Variants in PLTP observed in about 807,000 individuals in gnomAD.
The protein encoded by PLTP is phospholipid transfer protein.
PLTP carries 43 observed loss-of-function variants against 54.1 expected under a neutral mutation model. The observed-to-expected ratio is 0.79, with a 90% CI of 0.62 to 1.02. PLTP has a LOEUF of 1.02. Among genes scored for constraint, PLTP ranks in the 50% least tolerant of loss-of-function variants. The probability of loss-of-function intolerance (pLI) is 0.00; values close to 1 mark genes in which losing one functional copy is unlikely to be tolerated. For missense variants in PLTP, 604 were observed against 645.9 expected, an observed-to-expected ratio of 0.94 and a Z score of 0.70; for synonymous variants, 263 against 264.6, an observed-to-expected ratio of 0.99 and a Z score of 0.06.
At chr20:45,899,204 G>T in intron 15 of PLTP, 141 bp from the exon 16 acceptor site, 1 of 1,280,926 alleles carries the variant, frequency 7.8e-7, no homozygotes, top group Non-Finnish European at 1.1e-6. Flanking sequence ...GAGGCTGTAG[G>T]AGTGTAGACT....
At chr20:45,899,807 G>GGGCCCGGGC in intron 13 of PLTP, 29 bp downstream of exon 13, 6 of 1,369,456 alleles carry the variant, frequency 4.4e-6, no homozygotes, top group Non-Finnish European at 6.1e-6. Flanking sequence ...CACGAACCCA[G>GGGCCCGGGC]CCCAGCCCAC....
chr20:45,899,753 T>C lies in PLTP; in HGVS notation c.1219-68A>G, dbSNP rs866711127. The C allele has an allele frequency of 3.7e-5, 60 of 1,606,622 alleles. No individual in the cohort carries two copies. The Middle Eastern group carries it at 2.6e-3, about 71-fold the overall frequency. On this transcript the variant is annotated intron_variant, in intron 13 of 15. Coordinates refer to ENST00000372431, the MANE Select transcript of PLTP (RefSeq NM_006227.4). ...GGGTTTGCCTTTAGCTGCCCGCAGG[T>C]GAGCAGTTATATGAGGAGGGGGGGA...
intron 12 of PLTP, 50 bp downstream of exon 12, chr20:45,902,217 G>C: frequency 1.9e-6 from 3 of 1,561,328 alleles, no homozygotes; most frequent in Non-Finnish European, 2.6e-6. Flanking sequence ...CCTGTGGACA[G>C]GTGTGATTGT....
Position 45,909,540 on chromosome 20 carries a change from T to C in PLTP, c.461A>G (p.His154Arg), listed in dbSNP as rs2083270467. Residue 154 changes from histidine (H) to arginine (R), a missense_variant, in exon 5 of 16, where the codon CAC becomes CGC. Coordinates refer to ENST00000372431, the MANE Select transcript of PLTP (RefSeq NM_006227.4). Reference protein sequence around the residue: ...VSCQASVSRMHAAFGGTFKKV... With the variant: ...VSCQASVSRMRAAFGGTFKKV... Reference sequence around the variant, plus strand: ...CTTGAAGGTTCCCCCGAAGGCCGCGTGCATTCTGGAGACAGAGGCCTGGCA... The same window carrying C: ...CTTGAAGGTTCCCCCGAAGGCCGCGCGCATTCTGGAGACAGAGGCCTGGCA... 6.2e-7 allele frequency: 1 copy of C among 1,614,158 alleles called. No individual in the cohort carries two copies. Among genetic ancestry groups the C allele is most frequent in the East Asian group, 2.2e-5 (1 of 44,880 alleles).
At chr20:45,899,401 A>G in intron 15 of PLTP, 61 bp downstream of exon 15, 1 of 1,544,746 alleles carries the variant, frequency 6.5e-7, no homozygotes, top group East Asian at 2.2e-5. Context: ...AATGGAGGGC[A>G]CTGGGGAGCT....
rs750551533 is a variant in PLTP, at chr20:45,902,591, A to G, written c.956T>C (p.Ile319Thr). The change falls in exon 11 of 16, where the codon ATT becomes ACT. Residue 319 changes from isoleucine (I) to threonine (T), a missense_variant. By Grantham distance (89) the Ile-to-Thr change is moderately conservative. Coordinates refer to ENST00000372431, the MANE Select transcript of PLTP (RefSeq NM_006227.4). ...GSIVLLSPAV[I>T]DSPLKLELRV... ...CAGCTCCAGCTTCAATGGGGAGTCA[A>G]TCACTGCTGGGCTCTGGGGGATGAG... The G allele has an allele frequency of 1.6e-5, 25 of 1,610,856 alleles. 1 individual carries two copies. In the South Asian group the frequency reaches 2.3e-4, roughly 15 times the overall value.
At chr20:45,910,222 G>A (rs2083277653) in intron 3 of PLTP, 152 bp from the exon 4 acceptor site, 1 of 836,446 alleles carries the variant, frequency 1.2e-6, no homozygotes, top group Non-Finnish European at 1.9e-6. Context: ...GCCCAACTTA[G>A]ACTTGGGTGG....
intron 10 of PLTP, among the ~76,000 whole-genome samples, chr20:45,904,037 T>C (rs577555837): frequency 6.6e-6 from 1 of 152,166 alleles, no homozygotes; most frequent in South Asian, 2.1e-4. Flanking sequence ...GAGGCACAGA[T>C]AGGTTAAGTA....
In PLTP at chr20:45,911,141, C is replaced by A; in HGVS notation, c.200+11G>T. On this transcript the variant is annotated intron_variant, in intron 3 of 15. Transcript: ENST00000372431. ...CCCGCCCCGGATCGCGAGGCCCCGCCCCCCACTTACTCAGAGATGTTGTAG... is the reference window on the plus strand; with the variant it reads ...CCCGCCCCGGATCGCGAGGCCCCGCACCCCACTTACTCAGAGATGTTGTAG... 6.2e-7 allele frequency: 1 copy of A among 1,613,114 alleles called. No individual in the cohort carries two copies. The highest frequency in any genetic ancestry group is 8.5e-7 in the Non-Finnish European group (1 of 1,179,108).
chr20:45,899,750 A>G, intron 13 of PLTP, 65 bp from the exon 14 acceptor site: 2 of 1,607,436 alleles, frequency 1.2e-6, no homozygotes, highest in Non-Finnish European at 1.7e-6. Context: ...AGCTGCCCGC[A>G]GGTGAGCAGT....
In PLTP at chr20:45,910,931, T is replaced by C. The variant is rs1313048207; in HGVS notation, c.200+221A>G. ...TGGTCCTGCTTCCTTCTTGGCCCCCTCTACATTTTCAAGGCCACGCCCATC... is the reference window on the plus strand; with the variant it reads ...TGGTCCTGCTTCCTTCTTGGCCCCCCCTACATTTTCAAGGCCACGCCCATC... On this transcript the variant is annotated intron_variant, in intron 3 of 15. Transcript: ENST00000372431. 3.5e-6 allele frequency: 5 copies of C among 1,430,066 alleles called. No homozygotes were observed. In the African/African-American group the frequency reaches 5.8e-5, roughly 16 times the overall value. The allele number at this position is 1,430,066 out of a possible 1,614,324, so 88.6% of individuals were successfully genotyped here. A position where few individuals can be genotyped will look rare whatever the true frequency, so the allele number is the denominator to read the frequency against.
intron 10 of PLTP, among the ~76,000 whole-genome samples, chr20:45,902,813 T>C (rs1014399541): frequency 6.6e-6 from 1 of 152,266 alleles, no homozygotes; most frequent in Non-Finnish European, 1.5e-5. Flanking sequence ...TGTTCTTCTC[T>C]TTCTGCTTCC....
At chr20:45,905,721 A>G (rs1207612214) in intron 8 of PLTP, among the ~76,000 whole-genome samples, 1 of 152,228 alleles carries the variant, frequency 6.6e-6, no homozygotes, top group Non-Finnish European at 1.5e-5. Context: ...GATTACAGGC[A>G]TGAGCCACTG....
Position 45,907,089 on chromosome 20 carries a change from G to A in PLTP, c.613+603C>T, listed in dbSNP as rs1175882875. ...CATGCCTATAATCCCAGCACTTTGG[G>A]AGGCCAAGGTGGGCAGATCAGGAGG... is the stretch of plus-strand genomic sequence containing the variant. On this transcript the variant is annotated intron_variant, in intron 7 of 15. Transcript: ENST00000372431. Among the ~76,000 whole-genome samples, 5 of 125,416 alleles carry A rather than the reference G, an allele frequency of 4.0e-5. 1 individual carries two copies. The highest frequency in any genetic ancestry group is 8.7e-5 in the Admixed American group (1 of 11,470). 82.3% of individuals were successfully genotyped at this position (125,416 alleles called of 152,430 possible). A position where few individuals can be genotyped will look rare whatever the true frequency, so the allele number is the denominator to read the frequency against.
intron 5 of PLTP, among the ~76,000 whole-genome samples, chr20:45,908,848 T>G (rs1194564878): frequency 6.6e-6 from 1 of 152,166 alleles, no homozygotes; most frequent in Non-Finnish European, 1.5e-5. Flanking sequence ...AGATACCAAT[T>G]ATTGAGAATC....
chr20:45,911,411 G>A lies in PLTP; in HGVS notation c.42C>T (p.Gly14=), dbSNP rs149915922. 5.6e-6 allele frequency: 9 copies of A among 1,608,358 alleles called. No individual in the cohort carries two copies. In the African/African-American group the frequency reaches 6.7e-5, roughly 12 times the overall value. ...TGCAGCCTGGGAACTCTGCATGTGCGCCTGCCAGCAGCGCTAGGAAGAGGG... is the reference window on the plus strand; with the variant it reads ...TGCAGCCTGGGAACTCTGCATGTGCACCTGCCAGCAGCGCTAGGAAGAGGG... ...FGALFLALLA[G]AHAEFPGCKI... The change falls in exon 2 of 16, where the codon GGC becomes GGT. Residue 14 remains glycine (G), a synonymous_variant. Coordinates refer to ENST00000372431, the MANE Select transcript of PLTP (RefSeq NM_006227.4).
At chr20:45,910,877 G>A (rs2083283463) in intron 3 of PLTP, 3 of 1,349,960 alleles carry the variant, frequency 2.2e-6, no homozygotes, top group Non-Finnish European at 2.9e-6. Context: ...CCACCTTTCT[G>A]TTGTTCTTCG....
Position 45,902,585 on chromosome 20 carries a change from G to T in PLTP, c.962C>A (p.Ser321Tyr), listed in dbSNP as rs778949238. 4 of 1,612,110 alleles carry T rather than the reference G, an allele frequency of 2.5e-6. No individual in the cohort carries two copies. The highest frequency in any genetic ancestry group is 2.2e-5 in the East Asian group (1 of 44,784). The change falls in exon 11 of 16, where the codon TCC becomes TAC. Residue 321 changes from serine to tyrosine, a missense_variant. By Grantham distance (144) the Ser-to-Tyr change is moderately radical (BLOSUM62 -2). Coordinates refer to ENST00000372431, the MANE Select transcript of PLTP (RefSeq NM_006227.4). ...IVLLSPAVIDSPLKLELRVLA... is the reference protein window; with the variant it reads ...IVLLSPAVIDYPLKLELRVLA... ...GACCCGCAGCTCCAGCTTCAATGGG[G>T]AGTCAATCACTGCTGGGCTCTGGGG...
In PLTP at chr20:45,903,509, C is replaced by T. The variant is rs1007948326; in HGVS notation, c.943-905G>A. Among the ~76,000 whole-genome samples, 8 of 152,078 alleles carry T rather than the reference C, an allele frequency of 5.3e-5. No homozygotes were observed. In the East Asian group the frequency reaches 1.5e-3, roughly 29 times the overall value. On this transcript the variant is annotated intron_variant, in intron 10 of 15. Transcript: ENST00000372431. ...CCTCCCACAGTGTTGGGATTACAGG[C>T]GTGAGCCACCGTGCCTGGCCATATC...
Sources: allele counts gnomAD v4.1 joint callset (sites outside exome capture counted in the v4.1 genomes callset), GRCh38; gene constraint gnomAD v4.1.1; transcripts MANE v1.5; gene names NCBI Gene and HGNC (gene_info 2026-07-23, HGNC 2026-07-21).